Variants in INSYN2B observed in about 807,000 individuals in gnomAD.
INSYN2B encodes inhibitory synaptic factor family member 2B, also known as protein INSYN2B.
A neutral mutation model predicts 41.2 loss-of-function variants in INSYN2B; 16 were observed. The observed-to-expected ratio is 0.39, with a 90% CI of 0.26 to 0.59. The LOEUF (loss-of-function observed/expected upper bound fraction) is 0.59, where lower values mean the gene tolerates loss of function less well. INSYN2B is among the 20% of genes least tolerant of loss of function. The probability of loss-of-function intolerance (pLI) is 0.57; values close to 1 mark genes in which losing one functional copy is unlikely to be tolerated. For synonymous variants in INSYN2B, 245 were observed against 244.4 expected (o/e 1.00, Z -0.02); for missense variants, 608 against 646.4 (o/e 0.94, Z 0.64).
chr5:169,935,636 T>G (rs577421089), intron 1 of INSYN2B, among the ~76,000 whole-genome samples: 2 of 152,176 alleles, frequency 1.3e-5, no homozygotes, highest in Admixed American at 1.3e-4. Context: ...AAGGTCTTCA[T>G]AGTGAGGTGG....
chr5:169,882,933 G>A lies in INSYN2B; in HGVS notation c.966C>T (p.His322=). 3 of 1,552,044 alleles carry A rather than the reference G, an allele frequency of 1.9e-6. No homozygotes were observed. Among genetic ancestry groups the A allele is most frequent in the African/African-American group, 1.4e-5 (1 of 73,170 alleles). Residue 322 remains histidine, a synonymous_variant, in exon 2 of 4, where the codon CAC becomes CAT. Transcript: ENST00000377365. Reference sequence around the variant, plus strand: ...AAGGACAGTCTGAGGCTCTTCCTGGGTGGGCTGGCTGGCTGTGGGAGCCTT... The same window carrying A: ...AAGGACAGTCTGAGGCTCTTCCTGGATGGGCTGGCTGGCTGTGGGAGCCTT... ...PSQGSHSQPA[H]PGRASDCPSS...
chr5:169,946,332 C>A (rs1468578497), intron 1 of INSYN2B, among the ~76,000 whole-genome samples: 1 of 152,196 alleles, frequency 6.6e-6, no homozygotes, highest in South Asian at 2.1e-4. Flanking sequence ...TGTGTTTGCT[C>A]TCTAACTGGG....
intron 1 of INSYN2B, among the ~76,000 whole-genome samples, chr5:169,938,800 C>G (rs912223332): frequency 6.6e-6 from 1 of 152,166 alleles, no homozygotes; most frequent in Non-Finnish European, 1.5e-5. Flanking sequence ...ACTTTTTACT[C>G]TTTTGTAATA....
intron 1 of INSYN2B, among the ~76,000 whole-genome samples, chr5:169,957,113 C>T (rs996196045): frequency 6.6e-6 from 1 of 152,096 alleles, no homozygotes; most frequent in Non-Finnish European, 1.5e-5. Context: ...AGTAATAAGA[C>T]TGTCAGTGCC....
At chr5:169,977,246 G>A (rs916640781) in intron 1 of INSYN2B, among the ~76,000 whole-genome samples, 3 of 152,174 alleles carry the variant, frequency 2.0e-5, no homozygotes, top group Non-Finnish European at 4.4e-5. Context: ...TTAACCAAAA[G>A]CATGTTCAGC....
chr5:169,939,453 A>G (rs1776140156), intron 1 of INSYN2B, among the ~76,000 whole-genome samples: 1 of 152,206 alleles, frequency 6.6e-6, no homozygotes, highest in African/African-American at 2.4e-5. Flanking sequence ...TTATTAGTAG[A>G]AGGAATACAC....
At chr5:169,970,810 T>C (rs1777475230) in intron 1 of INSYN2B, among the ~76,000 whole-genome samples, 1 of 152,248 alleles carries the variant, frequency 6.6e-6, no homozygotes, top group Non-Finnish European at 1.5e-5. Flanking sequence ...AATAAGTTGA[T>C]CTGATATCTG....
intron 1 of INSYN2B, among the ~76,000 whole-genome samples, chr5:169,932,234 C>CTAATGATGCTACTAACAT (rs1775790443): frequency 7.2e-5 from 11 of 152,062 alleles, no homozygotes; most frequent in Admixed American, 1.3e-4. Flanking sequence ...AGGGTGGGTC[C>CTAATGATGCTACTAACAT]CTGAGTTTAC....
intron 3 of INSYN2B, among the ~76,000 whole-genome samples, chr5:169,873,473 C>T (rs1234117856): frequency 6.6e-6 from 1 of 152,190 alleles, no homozygotes; most frequent in African/African-American, 2.4e-5. Context: ...ATGAGAGCTG[C>T]AAATGCATCT....
At chr5:169,904,657 T>C (rs1774168558) in intron 1 of INSYN2B, among the ~76,000 whole-genome samples, 1 of 152,186 alleles carries the variant, frequency 6.6e-6, no homozygotes, top group African/African-American at 2.4e-5. Context: ...CGCAGTCCTT[T>C]AAGAAGGCTT....
intron 1 of INSYN2B, among the ~76,000 whole-genome samples, chr5:169,963,115 C>A (rs921595528): frequency 1.3e-5 from 2 of 152,198 alleles, no homozygotes; most frequent in Non-Finnish European, 2.9e-5. Context: ...GGAAACTACA[C>A]CTTCTACCCC....
At chr5:169,943,046 G>A (rs1377568415) in intron 1 of INSYN2B, among the ~76,000 whole-genome samples, 2 of 152,160 alleles carry the variant, frequency 1.3e-5, no homozygotes, top group Non-Finnish European at 2.9e-5. Flanking sequence ...GAATGTGTTG[G>A]GCTGGGCTGG....
chr5:169,980,385 A>T lies in INSYN2B; in HGVS notation c.-1027T>A. 1 of 152,228 alleles carries T rather than the reference A, an allele frequency of 6.6e-6. No individual in the cohort carries two copies. The highest frequency in any genetic ancestry group is 1.9e-4 in the East Asian group (1 of 5,196). 9.4% of individuals were successfully genotyped at this position (152,228 alleles called of 1,614,324 possible). On this transcript the variant is annotated 5_prime_UTR_variant, in exon 1 of 4. An upstream start codon of the reference 5' UTR is lost. Coordinates refer to ENST00000377365, the MANE Select transcript of INSYN2B (RefSeq NM_001129891.3). The stretch of plus-strand genomic sequence containing the variant: ...CAAAAGAAGGAATAATAAGTCCTTC[A>T]TATTGTAATTTTCACTGTTTATATG...
intron 3 of INSYN2B, among the ~76,000 whole-genome samples, chr5:169,873,044 C>T (rs1222682226): frequency 6.6e-6 from 1 of 152,206 alleles, no homozygotes; most frequent in Non-Finnish European, 1.5e-5. Context: ...GCCTCTGTGC[C>T]AGCAGCCACT....
At position 169,933,735 on chromosome 5, in the gene INSYN2B, C is replaced by G. The variant is rs1581438956; in HGVS notation, c.-919+46542G>C. Among the ~76,000 whole-genome samples the G allele has an allele frequency of 2.0e-5, 3 of 152,280 alleles. No homozygotes were observed. In the South Asian group the frequency reaches 6.2e-4, roughly 32 times the overall value. The stretch of plus-strand genomic sequence containing the variant: ...AAGCAGTTTTGGGGTCAGACACCCA[C>G]TTCTCAGACTTCCAGGCAGCTGCCA... On this transcript the variant is annotated intron_variant, in intron 1 of 3. Coordinates refer to ENST00000377365, the MANE Select transcript of INSYN2B (RefSeq NM_001129891.3).
chr5:169,873,110 G>A (rs968087019), intron 3 of INSYN2B, among the ~76,000 whole-genome samples: 1 of 152,112 alleles, frequency 6.6e-6, no homozygotes, highest in South Asian at 2.1e-4. Flanking sequence ...TATGGCATGT[G>A]TCAGCCTCTT....
At chr5:169,871,565 G>T (rs1771973825) in intron 3 of INSYN2B, among the ~76,000 whole-genome samples, 1 of 152,202 alleles carries the variant, frequency 6.6e-6, no homozygotes. Flanking sequence ...TCTGCCAAGG[G>T]CATGTAAATA....
intron 2 of INSYN2B, among the ~76,000 whole-genome samples, chr5:169,882,066 T>C (rs1328262878): frequency 6.6e-6 from 1 of 152,210 alleles, no homozygotes; most frequent in Non-Finnish European, 1.5e-5. Context: ...TGGTCATTGA[T>C]GGGCCAGCCC....
At chr5:169,941,289 C>A (rs529641191) in intron 1 of INSYN2B, among the ~76,000 whole-genome samples, 25 of 152,292 alleles carry the variant, frequency 1.6e-4, no homozygotes, top group African/African-American at 6.0e-4. Flanking sequence ...CTCACTACAA[C>A]CTCTGCCTCC....
Sources: gnomAD v4.1 joint callset for allele counts (sites outside exome capture counted in the v4.1 genomes callset) on GRCh38, gnomAD v4.1.1 for gene constraint, MANE v1.5 for transcripts, NCBI Gene and HGNC (gene_info 2026-07-23, HGNC 2026-07-21) for gene names.